The following ATP6V0C variants were observed in gnomAD, a reference collection of about 807,000 sequenced individuals.
ATP6V0C encodes the protein V-type proton ATPase 16 kDa proteolipid subunit c.
Under a neutral mutation model 10.6 loss-of-function variants are expected in ATP6V0C, and 2 were observed. The observed-to-expected ratio is 0.19, with a 90% CI of 0.08 to 0.59. ATP6V0C has a LOEUF of 0.59. Among genes scored for constraint, ATP6V0C ranks in the 20% least tolerant of loss-of-function variants. The pLI is 0.90. For missense variants in ATP6V0C, 89 were observed against 225.9 expected, an observed-to-expected ratio of 0.39 and a Z score of 3.88; for synonymous variants, 128 against 101.3, an observed-to-expected ratio of 1.26 and a Z score of -1.59.
rs963417701 is a variant in ATP6V0C, at chr16:2,514,019, G to C, written c.-85G>C. ...GGATCGCCTTCGCCGCCGCCCGCCC[G>C]CAAACCTTCGTGCCCGGCCCGTCCT... On this transcript the variant is annotated 5_prime_UTR_variant, in exon 1 of 3. Transcript: ENST00000330398. 49 of 1,307,892 alleles carry C rather than the reference G, an allele frequency of 3.7e-5. No homozygotes were observed. Among genetic ancestry groups the C allele is most frequent in the Non-Finnish European group, 4.8e-5 (46 of 955,812 alleles). 81.0% of individuals were successfully genotyped at this position (1,307,892 alleles called of 1,614,324 possible). A position where few individuals can be genotyped will look rare whatever the true frequency, so the allele number is the denominator to read the frequency against.
At chr16:2,513,907 A>T, upstream of ATP6V0C, 1 of 510,092 alleles carries the variant, frequency 2.0e-6, no homozygotes, top group Non-Finnish European at 3.4e-6. Context: ...TACGGCTCGC[A>T]GGGGCGGGGC....
chr16:2,514,052 G>A lies in ATP6V0C; in HGVS notation c.-52G>A. ...TCGTGCCCGGCCCGTCCTCGCCCCC[G>A]CCTCCGCCACCGCCTCGGCCCGCAG... On this transcript the variant is annotated 5_prime_UTR_variant, in exon 1 of 3. Coordinates refer to ENST00000330398, the MANE Select transcript of ATP6V0C (RefSeq NM_001694.4). The A allele has an allele frequency of 2.1e-6, 3 of 1,419,904 alleles. No homozygotes were observed. Among genetic ancestry groups the A allele is most frequent in the Non-Finnish European group, 2.9e-6 (3 of 1,043,540 alleles). The allele number at this position is 1,419,904 out of a possible 1,614,324, so 88.0% of individuals were successfully genotyped here. A position where few individuals can be genotyped will look rare whatever the true frequency, so the allele number is the denominator to read the frequency against.
At chr16:2,515,703 C>T (rs1255415050) in intron 1 of ATP6V0C, among the ~76,000 whole-genome samples, 2 of 152,066 alleles carry the variant, frequency 1.3e-5, no homozygotes, top group East Asian at 3.9e-4. Context: ...TCCATTTTGC[C>T]TGGCCACCTG....
At chr16:2,517,113 T>TTG (rs2065880589) in intron 1 of ATP6V0C, 1 of 152,566 alleles carries the variant, frequency 6.6e-6, no homozygotes, top group Non-Finnish European at 1.5e-5. Flanking sequence ...CTCTGGTCTC[T>TTG]TGTGCATACA....
chr16:2,513,989 G>A lies in ATP6V0C; in HGVS notation c.-115G>A, dbSNP rs1003422437. 11 of 913,624 alleles carry A rather than the reference G, an allele frequency of 1.2e-5. No individual in the cohort carries two copies. Among genetic ancestry groups the A allele is most frequent in the Admixed American group, 5.7e-5 (2 of 34,826 alleles). The allele number at this position is 913,624 out of a possible 1,614,324, so 56.6% of individuals were successfully genotyped here. A position where few individuals can be genotyped will look rare whatever the true frequency, so the allele number is the denominator to read the frequency against. On this transcript the variant is annotated 5_prime_UTR_variant, in exon 1 of 3. Coordinates refer to ENST00000330398, the MANE Select transcript of ATP6V0C (RefSeq NM_001694.4). ...TGGTATTTAGAGCGCAGCGGCTGAC[G>A]GGCCGGATCGCCTTCGCCGCCGCCC...
chr16:2,518,394 C>G (rs981093791), intron 1 of ATP6V0C, among the ~76,000 whole-genome samples: 1 of 152,234 alleles, frequency 6.6e-6, no homozygotes, highest in Non-Finnish European at 1.5e-5. Flanking sequence ...CGGTGGGAGG[C>G]TTGGGCCCTC....
chr16:2,517,691 A>C (rs1054621967), intron 1 of ATP6V0C: 2 of 150,600 alleles, frequency 1.3e-5, no homozygotes, highest in African/African-American at 4.9e-5. Context: ...TGACATATGT[A>C]GTCTTCTGCA....
At chr16:2,519,148 C>T in intron 1 of ATP6V0C, 70 bp from the exon 2 acceptor site, 1 of 1,474,546 alleles carries the variant, frequency 6.8e-7, no homozygotes, top group Non-Finnish European at 9.0e-7. Context: ...TGTGCCAAAG[C>T]TACACCTCGG....
chr16:2,519,148 C>G (rs1363153261), intron 1 of ATP6V0C, 70 bp from the exon 2 acceptor site: 19 of 1,474,428 alleles, frequency 1.3e-5, no homozygotes, highest in Non-Finnish European at 1.7e-5. Context: ...TGTGCCAAAG[C>G]TACACCTCGG....
intron 1 of ATP6V0C, chr16:2,517,720 T>C (rs1445642644): frequency 7.8e-6 from 1 of 128,672 alleles, no homozygotes; most frequent in Admixed American, 7.6e-5. Flanking sequence ...TGTTTGTGTG[T>C]GTGTGTGTGT....
In ATP6V0C at chr16:2,520,051, G is replaced by T; in HGVS notation, c.*306G>T. On this transcript the variant is annotated 3_prime_UTR_variant, in exon 3 of 3. Transcript: ENST00000330398. ...CTGGATGTTTATTTATAAAGATCTG[G>T]CCTGTTCCTGCGTCTGCGGAGCGGC... 1 of 642,284 alleles carries T rather than the reference G, an allele frequency of 1.6e-6. No homozygotes were observed. Among genetic ancestry groups the T allele is most frequent in the Non-Finnish European group, 2.9e-6 (1 of 347,992 alleles). 39.8% of individuals were successfully genotyped at this position (642,284 alleles called of 1,614,324 possible).
chr16:2,514,039 C>G lies in ATP6V0C; in HGVS notation c.-65C>G, dbSNP rs909374883. 16 of 1,449,016 alleles carry G rather than the reference C, an allele frequency of 1.1e-5. No individual in the cohort carries two copies. The highest frequency in any genetic ancestry group is 2.5e-5 in the South Asian group (2 of 80,412). 89.8% of individuals were successfully genotyped at this position (1,449,016 alleles called of 1,614,324 possible). A position where few individuals can be genotyped will look rare whatever the true frequency, so the allele number is the denominator to read the frequency against. On this transcript the variant is annotated 5_prime_UTR_variant, in exon 1 of 3. Transcript: ENST00000330398. ...CGCCCGCAAACCTTCGTGCCCGGCCCGTCCTCGCCCCCGCCTCCGCCACCG... is the reference window on the plus strand; with the variant it reads ...CGCCCGCAAACCTTCGTGCCCGGCCGGTCCTCGCCCCCGCCTCCGCCACCG...
At chr16:2,515,969 G>C (rs2065875176) in intron 1 of ATP6V0C, among the ~76,000 whole-genome samples, 2 of 152,150 alleles carry the variant, frequency 1.3e-5, no homozygotes, top group Non-Finnish European at 2.9e-5. Flanking sequence ...CAGGTGTCTG[G>C]AAATTGAGAA....
chr16:2,514,804 A>G (rs1485275197), intron 1 of ATP6V0C, among the ~76,000 whole-genome samples: 9 of 152,014 alleles, frequency 5.9e-5, no homozygotes, highest in Admixed American at 5.9e-4. Flanking sequence ...GCTGTTTGGG[A>G]AAGCTGGGCT....
At chr16:2,514,958 G>A (rs569742291) in intron 1 of ATP6V0C, among the ~76,000 whole-genome samples, 1 of 152,260 alleles carries the variant, frequency 6.6e-6, no homozygotes, top group South Asian at 2.1e-4. Context: ...GGGTGGCATG[G>A]GTGTCCGAGT....
intron 1 of ATP6V0C, 58 bp downstream of exon 1, chr16:2,514,240 C>T (rs965321860): frequency 2.7e-6 from 4 of 1,478,586 alleles, no homozygotes; most frequent in Non-Finnish European, 3.6e-6. Context: ...CTCATGCCCG[C>T]AGCTCGCCGG....
intron 1 of ATP6V0C, chr16:2,517,801 G>T (rs548513363): frequency 6.6e-6 from 1 of 152,130 alleles, no homozygotes; most frequent in East Asian, 1.9e-4. Context: ...GAGTCTCTCT[G>T]TGTCGCCCAG....
intron 2 of ATP6V0C, 68 bp downstream of exon 2, chr16:2,519,469 G>A: frequency 6.4e-7 from 1 of 1,560,172 alleles, no homozygotes; most frequent in Non-Finnish European, 8.7e-7. Context: ...TTCACCTGTG[G>A]GTGGTGACCC....
Position 2,519,375 on chromosome 16 carries a change from C to T in ATP6V0C, c.237C>T (p.Ser79=). The T allele has an allele frequency of 6.2e-7, 1 of 1,613,858 alleles. No homozygotes were observed. The highest frequency in any genetic ancestry group is 1.3e-5 in the African/African-American group (1 of 75,046). Reference sequence around the variant, plus strand: ...TGGTGGCAGTCCTCATCGCCAACTCCCTGAATGACGACATCAGCCTCTACA... The same window carrying T: ...TGGTGGCAGTCCTCATCGCCAACTCTCTGAATGACGACATCAGCCTCTACA... ...GLVVAVLIAN[S]LNDDISLYKS... is the part of the protein sequence containing the mutation. The change falls in exon 2 of 3, where the codon TCC becomes TCT. Residue 79 remains serine (S), a synonymous_variant. Coordinates refer to ENST00000330398, the MANE Select transcript of ATP6V0C (RefSeq NM_001694.4).
Sources: gnomAD v4.1 joint callset for allele counts (sites outside exome capture counted in the v4.1 genomes callset) on GRCh38, gnomAD v4.1.1 for gene constraint, MANE v1.5 for transcripts, NCBI Gene and HGNC (gene_info 2026-07-23, HGNC 2026-07-21) for gene names.